VMP1: variants seen among roughly 807,000 people sequenced by gnomAD.
The protein encoded by VMP1 is vacuole membrane protein 1.
A neutral mutation model predicts 56.0 loss-of-function variants in VMP1; 11 were observed. That is an observed-to-expected ratio of 0.20 (90% CI 0.12 to 0.32). The LOEUF (loss-of-function observed/expected upper bound fraction) is 0.32, where lower values mean the gene tolerates loss of function less well. Among genes scored for constraint, VMP1 ranks in the 10% least tolerant of loss-of-function variants. The pLI, the probability that VMP1 is intolerant of heterozygous loss-of-function variation, is 1.00. For missense variants in VMP1, 296 were observed against 490.3 expected, an observed-to-expected ratio of 0.60 and a Z score of 3.74; for synonymous variants, 149 against 165.0, an observed-to-expected ratio of 0.90 and a Z score of 0.74.
At position 59,779,646 on chromosome 17, in the gene VMP1, C is replaced by T. The variant is rs533016015; in HGVS notation, c.714+5761C>T. Among the ~76,000 whole-genome samples, 4 of 152,168 alleles carry T rather than the reference C, an allele frequency of 2.6e-5. No homozygotes were observed. In the South Asian group the frequency reaches 6.2e-4, roughly 24 times the overall value. The stretch of plus-strand genomic sequence containing the variant: ...GTTATTTTTAGAACAAAGAGTATTC[C>T]AGTTGTGTATTACTGAGTAACAAAT... On this transcript the variant is annotated intron_variant, in intron 7 of 11. Coordinates refer to ENST00000262291, the MANE Select transcript of VMP1 (RefSeq NM_030938.5).
chr17:59,752,124 G>A (rs535482079), intron 5 of VMP1, among the ~76,000 whole-genome samples: 4 of 152,292 alleles, frequency 2.6e-5, no homozygotes, highest in Admixed American at 2.0e-4. Context: ...CACTTTTTCT[G>A]TAAAGGATCA....
At chr17:59,795,488 G>C (rs1156782106) in intron 7 of VMP1, among the ~76,000 whole-genome samples, 1 of 148,110 alleles carries the variant, frequency 6.8e-6, no homozygotes, top group African/African-American at 2.5e-5. Flanking sequence ...TTACATCTTT[G>C]ATATGAACAT....
At position 59,762,076 on chromosome 17, in the gene VMP1, C is replaced by T. The variant is rs115535850; in HGVS notation, c.415-2895C>T. ...TCTTAGTAATCAAAGCCCTGTACTG[C>T]CTGTAGTACAATGTCTAAAAAGAAT... On this transcript the variant is annotated intron_variant, in intron 5 of 11. Transcript: ENST00000262291. Among the ~76,000 whole-genome samples, 847 of 152,258 alleles carry T rather than the reference C, an allele frequency of 5.6e-3. 8 individuals carry two copies. The highest frequency in any genetic ancestry group is 0.02 in the African/African-American group (811 of 41,532).
intron 7 of VMP1, among the ~76,000 whole-genome samples, chr17:59,780,574 T>G (rs1451465293): frequency 6.6e-6 from 1 of 152,144 alleles, no homozygotes; most frequent in Non-Finnish European, 1.5e-5. Flanking sequence ...TGTTTGTTTT[T>G]GTTTTTGTTT....
chr17:59,729,277 G>T (rs2034725678), intron 1 of VMP1, among the ~76,000 whole-genome samples: 3 of 152,108 alleles, frequency 2.0e-5, no homozygotes, highest in South Asian at 4.1e-4. Context: ...AAGGTCAGGA[G>T]TACAAGACCA....
intron 1 of VMP1, among the ~76,000 whole-genome samples, chr17:59,720,482 T>A (rs985292412): frequency 2.0e-5 from 3 of 152,212 alleles, no homozygotes; most frequent in African/African-American, 7.2e-5. Context: ...GGCTTTTGTA[T>A]AGCATACTAA....
chr17:59,740,908 G>A (rs1489786808), intron 5 of VMP1, among the ~76,000 whole-genome samples: 1 of 152,200 alleles, frequency 6.6e-6, no homozygotes, highest in Non-Finnish European at 1.5e-5. Flanking sequence ...TCTGCTGAAT[G>A]TCAAAAGAGA....
At chr17:59,837,126 C>A (rs2039007861) in intron 10 of VMP1, among the ~76,000 whole-genome samples, 1 of 151,734 alleles carries the variant, frequency 6.6e-6, no homozygotes. Flanking sequence ...TCACTTGAAC[C>A]CTGGAGGTAG....
chr17:59,751,978 TG>T (rs2035670149), intron 5 of VMP1, among the ~76,000 whole-genome samples: 3 of 151,976 alleles, frequency 2.0e-5, no homozygotes, highest in African/African-American at 4.8e-5. Flanking sequence ...CTACACCAGC[TG>T]GGTTTTTTTT....
intron 7 of VMP1, among the ~76,000 whole-genome samples, chr17:59,800,017 C>A (rs1315816238): frequency 6.6e-6 from 1 of 150,490 alleles, no homozygotes; most frequent in Non-Finnish European, 1.5e-5. Flanking sequence ...TAAGCAATTA[C>A]TTTAGTGATA....
At chr17:59,814,886 T>G (rs1307187110) in intron 9 of VMP1, among the ~76,000 whole-genome samples, 1 of 152,234 alleles carries the variant, frequency 6.6e-6, no homozygotes, top group Non-Finnish European at 1.5e-5. Flanking sequence ...TCACTTGATG[T>G]ACATCCAGAT....
intron 7 of VMP1, among the ~76,000 whole-genome samples, chr17:59,779,997 A>G (rs2036762449): frequency 6.6e-6 from 1 of 152,146 alleles, no homozygotes; most frequent in African/African-American, 2.4e-5. Flanking sequence ...CTCAGTCTTT[A>G]TCTATCTACT....
chr17:59,729,564 T>C lies in VMP1; in HGVS notation c.-26-1857T>C, dbSNP rs531020879. On this transcript the variant is annotated intron_variant, in intron 1 of 11. Transcript: ENST00000262291. ...TGCTGAGTCATATGGTAACTGTATT[T>C]TACCTTTTGAGGAACTGACAGATTG... 1.4e-4 allele frequency among the ~76,000 whole-genome samples: 22 copies of C among 152,216 alleles called. No individual in the cohort carries two copies. The South Asian group carries it at 4.2e-3, about 29-fold the overall frequency.
At chr17:59,801,621 G>C (rs2037667914) in intron 7 of VMP1, among the ~76,000 whole-genome samples, 1 of 152,112 alleles carries the variant, frequency 6.6e-6, no homozygotes, top group African/African-American at 2.4e-5. Flanking sequence ...TAGGCCGGAT[G>C]AGGTGGCTCA....
At chr17:59,803,473 G>A (rs2037743567) in intron 7 of VMP1, among the ~76,000 whole-genome samples, 1 of 152,030 alleles carries the variant, frequency 6.6e-6, no homozygotes, top group Non-Finnish European at 1.5e-5. Context: ...CCTATAATTG[G>A]TTTTATTTTT....
intron 4 of VMP1, 132 bp downstream of exon 4, chr17:59,737,675 G>A: frequency 1.5e-6 from 1 of 675,828 alleles, no homozygotes; most frequent in Non-Finnish European, 2.3e-6. Context: ...TATCTCAAAT[G>A]TTTTACTTTT....
At position 59,733,284 on chromosome 17, in the gene VMP1, A is replaced by G. The variant is rs117609182; in HGVS notation, c.76+1762A>G. On this transcript the variant is annotated intron_variant, in intron 2 of 11. Coordinates refer to ENST00000262291, the MANE Select transcript of VMP1 (RefSeq NM_030938.5). Reference sequence around the variant, plus strand: ...ATCACTCTTCTGTCCTCTATTGGTAATATATAAGTTATTGATTATTTTTTG... The same window carrying G: ...ATCACTCTTCTGTCCTCTATTGGTAGTATATAAGTTATTGATTATTTTTTG... 5.8e-3 allele frequency among the ~76,000 whole-genome samples: 882 copies of G among 152,194 alleles called. 2 individuals are homozygous for G. The highest frequency in any genetic ancestry group is 8.9e-3 in the Non-Finnish European group (607 of 68,000).
chr17:59,751,655 A>C (rs1472130594), intron 5 of VMP1, among the ~76,000 whole-genome samples: 1 of 134,076 alleles, frequency 7.5e-6, no homozygotes. Context: ...GAGGTGAGAT[A>C]ATTGTTTGAA....
intron 7 of VMP1, among the ~76,000 whole-genome samples, chr17:59,783,182 C>T (rs554441640): frequency 6.6e-6 from 1 of 152,040 alleles, no homozygotes; most frequent in Admixed American, 6.6e-5. Flanking sequence ...GGCGACAGAG[C>T]GAGACTCTGT....
Sources: allele counts gnomAD v4.1 joint callset (sites outside exome capture counted in the v4.1 genomes callset), GRCh38; gene constraint gnomAD v4.1.1; transcripts MANE v1.5; gene names NCBI Gene and HGNC (gene_info 2026-07-23, HGNC 2026-07-21).